The following ITGA9 variants were observed in gnomAD, a reference collection of about 807,000 sequenced individuals.
ITGA9 encodes the protein integrin alpha-9.
Under a neutral mutation model 127.8 loss-of-function variants are expected in ITGA9, and 56 were observed. That is an observed-to-expected ratio of 0.44 (90% CI 0.35 to 0.55). The LOEUF is 0.55. Among genes scored for constraint, ITGA9 ranks in the 20% least tolerant of loss-of-function variants. ITGA9 has a pLI of 0.00. For missense variants in ITGA9, 1,196 were observed against 1,347.1 expected (o/e 0.89, Z 1.76); for synonymous variants, 508 against 514.5 (o/e 0.99, Z 0.17).
chr3:37,488,278 G>A (rs772936149), intron 4 of ITGA9, among the ~76,000 whole-genome samples: 5 of 152,004 alleles, frequency 3.3e-5, no homozygotes, highest in African/African-American at 4.8e-5. Flanking sequence ...GCTCAGTTCT[G>A]AGCTGGGGTT....
chr3:37,620,010 A>G (rs1021744023), intron 15 of ITGA9, among the ~76,000 whole-genome samples: 1 of 152,144 alleles, frequency 6.6e-6, no homozygotes, highest in African/African-American at 2.4e-5. Flanking sequence ...AGGCCAATTC[A>G]CGCCATCCTT....
At chr3:37,494,977 A>T (rs1698712519) in intron 5 of ITGA9, among the ~76,000 whole-genome samples, 1 of 151,812 alleles carries the variant, frequency 6.6e-6, no homozygotes, top group Non-Finnish European at 1.5e-5. Flanking sequence ...TAGTGGAGAG[A>T]CTTGTTTGTT....
chr3:37,512,120 CTTTCTTTT>C (rs1698929384), intron 8 of ITGA9, among the ~76,000 whole-genome samples: 2 of 39,448 alleles, frequency 5.1e-5, no homozygotes, highest in African/African-American at 1.2e-4. Context: ...TTCCTTCCTT[CTTTCTTTT>C]CTTTTCTTTT....
intron 18 of ITGA9, among the ~76,000 whole-genome samples, chr3:37,722,938 T>A (rs1440980052): frequency 1.3e-5 from 2 of 152,230 alleles, no homozygotes; most frequent in Non-Finnish European, 2.9e-5. Flanking sequence ...CCATCAGTAG[T>A]ATGTAATGGT....
chr3:37,802,748 TA>T (rs1052684630), intron 26 of ITGA9, among the ~76,000 whole-genome samples: 1 of 152,152 alleles, frequency 6.6e-6, no homozygotes, highest in African/African-American at 2.4e-5. Flanking sequence ...GGCAGGAGGG[TA>T]GGGGTGCCCT....
chr3:37,642,541 G>T (rs1424219459), intron 16 of ITGA9, among the ~76,000 whole-genome samples: 1 of 152,212 alleles, frequency 6.6e-6, no homozygotes, highest in Admixed American at 6.5e-5. Flanking sequence ...AAAATTAAAA[G>T]AAATGTGTTC....
chr3:37,740,714 A>G (rs1696422964), intron 20 of ITGA9, among the ~76,000 whole-genome samples: 1 of 152,184 alleles, frequency 6.6e-6, no homozygotes, highest in Admixed American at 6.5e-5. Flanking sequence ...ATGCTGAGAA[A>G]TGCCCGGCAT....
intron 15 of ITGA9, among the ~76,000 whole-genome samples, chr3:37,560,015 A>G (rs1248201453): frequency 6.6e-6 from 1 of 152,218 alleles, no homozygotes; most frequent in Non-Finnish European, 1.5e-5. Flanking sequence ...GGTTTGTTAC[A>G]TAGGTATACA....
At chr3:37,469,562 A>T (rs957480228) in intron 1 of ITGA9, among the ~76,000 whole-genome samples, 5 of 152,154 alleles carry the variant, frequency 3.3e-5, no homozygotes, top group Admixed American at 3.3e-4. Flanking sequence ...ACCCCCAGCA[A>T]TTCCCCTCCC....
intron 17 of ITGA9, among the ~76,000 whole-genome samples, chr3:37,680,129 A>G (rs528067172): frequency 6.6e-6 from 1 of 152,276 alleles, no homozygotes; most frequent in Non-Finnish European, 1.5e-5. Flanking sequence ...ATACCAGCAC[A>G]GCGTCTTCTC....
chr3:37,535,213 A>G (rs1368628468), intron 14 of ITGA9, among the ~76,000 whole-genome samples: 2 of 152,350 alleles, frequency 1.3e-5, no homozygotes, highest in Middle Eastern at 3.4e-3. Context: ...AGTTACAAAG[A>G]GTTTCTACTA....
chr3:37,636,221 T>C (rs529018734), intron 16 of ITGA9, among the ~76,000 whole-genome samples: 2 of 152,332 alleles, frequency 1.3e-5, no homozygotes, highest in South Asian at 4.1e-4. Context: ...ACTTCCACAA[T>C]GGTTGAACTA....
At chr3:37,774,371 G>A (rs770072327) in intron 23 of ITGA9, among the ~76,000 whole-genome samples, 11 of 152,152 alleles carry the variant, frequency 7.2e-5, no homozygotes, top group Non-Finnish European at 5.9e-5. Flanking sequence ...TTTCAGGCTA[G>A]TGTGTTTTCC....
intron 17 of ITGA9, among the ~76,000 whole-genome samples, chr3:37,657,732 T>C (rs1700493129): frequency 5.3e-5 from 8 of 152,078 alleles, no homozygotes; most frequent in Admixed American, 5.2e-4. Flanking sequence ...TGTCTTCTGC[T>C]AGCTTTTGAA....
intron 15 of ITGA9, among the ~76,000 whole-genome samples, chr3:37,575,599 G>A (rs974138384): frequency 7.2e-5 from 11 of 152,048 alleles, no homozygotes; most frequent in Non-Finnish European, 1.5e-5. Context: ...TCTGCCCAAG[G>A]TGTTATAAGC....
rs544528596 is a variant in ITGA9 at position 37,530,804 on chromosome 3, T to C, written c.1374-2510T>C. 6.9e-4 allele frequency among the ~76,000 whole-genome samples: 94 copies of C among 137,084 alleles called. 1 individual carries two copies. Among genetic ancestry groups the C allele is most frequent in the Non-Finnish European group, 1.1e-3 (75 of 65,628 alleles). The allele number at this position is 137,084 out of a possible 152,430, so 89.9% of individuals were successfully genotyped here. A position where few individuals can be genotyped will look rare whatever the true frequency, so the allele number is the denominator to read the frequency against. On this transcript the variant is annotated intron_variant, in intron 13 of 27. Coordinates refer to ENST00000264741, the MANE Select transcript of ITGA9 (RefSeq NM_002207.3). ...TCTCCCGCTGTCACCAAGGCTGGAG[T>C]GCAGTGGCGCGATCTTGGCTCACTG...
chr3:37,676,488 AG>A (rs1412779234), intron 17 of ITGA9, among the ~76,000 whole-genome samples: 2 of 152,200 alleles, frequency 1.3e-5, no homozygotes, highest in African/African-American at 4.8e-5. Flanking sequence ...AGCATGTCAG[AG>A]GCTTAATTCT....
At chr3:37,494,815 C>G (rs267522) in intron 5 of ITGA9, among the ~76,000 whole-genome samples, 1 of 151,716 alleles carries the variant, frequency 6.6e-6, no homozygotes, top group South Asian at 2.1e-4. Flanking sequence ...TTGATGATTT[C>G]TGTAGGAGTC....
intron 16 of ITGA9, among the ~76,000 whole-genome samples, chr3:37,647,621 C>T (rs1452006696): frequency 6.6e-6 from 1 of 152,050 alleles, no homozygotes; most frequent in Non-Finnish European, 1.5e-5. Context: ...TCTCCCCATT[C>T]CCTACTCCCT....
Sources: gnomAD v4.1 joint callset for allele counts (sites outside exome capture counted in the v4.1 genomes callset) on GRCh38, gnomAD v4.1.1 for gene constraint, MANE v1.5 for transcripts, NCBI Gene and HGNC (gene_info 2026-07-23, HGNC 2026-07-21) for gene names.